Variants in SCIN observed in about 807,000 individuals in gnomAD.
The protein encoded by SCIN is scinderin, also known as adseverin.
SCIN carries 91 observed loss-of-function variants against 91.8 expected under a neutral mutation model. The ratio of observed to expected loss-of-function variants is 0.99; its 90% CI spans 0.84 to 1.18. The LOEUF (loss-of-function observed/expected upper bound fraction) is 1.18. Among genes scored for constraint, SCIN ranks in the 50% most tolerant of loss-of-function variants. SCIN has a pLI of 0.00. For missense variants in SCIN, 1,087 were observed against 863.9 expected (o/e 1.26, Z -3.24); for synonymous variants, 367 against 312.6 (o/e 1.17, Z -1.84).
chr7:12,614,122 T>G (rs1467156913), intron 4 of SCIN, among the ~76,000 whole-genome samples: 1 of 152,164 alleles, frequency 6.6e-6, no homozygotes, highest in Admixed American at 6.6e-5. Context: ...TGCTCTACAA[T>G]TGCATTGTGA....
intron 4 of SCIN, among the ~76,000 whole-genome samples, chr7:12,620,316 C>G (rs1259520031): frequency 7.2e-5 from 11 of 152,006 alleles, no homozygotes; most frequent in Non-Finnish European, 1.6e-4. Flanking sequence ...TATCTTATAC[C>G]TGAAAGTCTG....
chr7:12,586,877 T>C (rs975569602), intron 3 of SCIN, among the ~76,000 whole-genome samples: 16 of 152,026 alleles, frequency 1.1e-4, no homozygotes, highest in African/African-American at 3.9e-4. Context: ...ACTTAAAAAA[T>C]GAGCTCATAG....
rs895300210 is a variant in SCIN, at chr7:12,656,551, C to G, written c.*3836C>G. On this transcript the variant is annotated 3_prime_UTR_variant, in exon 16 of 16. Coordinates refer to ENST00000297029, the MANE Select transcript of SCIN (RefSeq NM_001112706.3). ...TTATCATTCATTCCGTGTTCTTGCT[C>G]TTGGATAAAACGGACAACTCAGAGA... 3.2e-4 allele frequency: 48 copies of G among 152,190 alleles called. No individual in the cohort carries two copies. Among genetic ancestry groups the G allele is most frequent in the African/African-American group, 1.1e-3 (47 of 41,450 alleles). The allele number at this position is 152,190 out of a possible 1,614,324, so 9.4% of individuals were successfully genotyped here.
At chr7:12,600,560 T>G (rs543990335) in intron 3 of SCIN, among the ~76,000 whole-genome samples, 1 of 152,262 alleles carries the variant, frequency 6.6e-6, no homozygotes, top group Admixed American at 6.5e-5. Flanking sequence ...ATTTATAGGG[T>G]CAATGTTTTT....
At chr7:12,611,275 A>C (rs1449722484) in intron 4 of SCIN, 2 of 152,176 alleles carry the variant, frequency 1.3e-5, no homozygotes, top group Non-Finnish European at 2.9e-5. Flanking sequence ...AGTGCTTCCA[A>C]AGTTCTTTTA....
rs1782272601 is a variant in SCIN at position 12,571,603 on chromosome 7, G to C, written c.199+618G>C. The C allele has an allele frequency of 6.4e-6, 3 of 468,560 alleles. 1 individual carries two copies. The highest frequency in any genetic ancestry group is 4.7e-5 in the South Asian group (3 of 63,992). 29.0% of individuals were successfully genotyped at this position (468,560 alleles called of 1,614,324 possible). On this transcript the variant is annotated intron_variant, in intron 1 of 15. Coordinates refer to ENST00000297029, the MANE Select transcript of SCIN (RefSeq NM_001112706.3). Reference sequence around the variant, plus strand: ...GTAGACAAAAACTCCGCTTCATTCGGAAGCTGGCGTCCTCAGATAGAAGTA... The same window carrying C: ...GTAGACAAAAACTCCGCTTCATTCGCAAGCTGGCGTCCTCAGATAGAAGTA...
intron 3 of SCIN, among the ~76,000 whole-genome samples, chr7:12,587,763 C>T (rs1583279954): frequency 6.6e-6 from 1 of 152,202 alleles, no homozygotes; most frequent in East Asian, 1.9e-4. Context: ...GTGCTGGGCT[C>T]TTCTCAAAGA....
intron 4 of SCIN, among the ~76,000 whole-genome samples, chr7:12,617,502 T>G (rs1182814723): frequency 6.6e-6 from 1 of 152,054 alleles, no homozygotes; most frequent in African/African-American, 2.4e-5. Flanking sequence ...GTTTGAAGCC[T>G]TAGGGAAAAA....
chr7:12,646,073 A>T (rs1042266519), intron 13 of SCIN, among the ~76,000 whole-genome samples: 1 of 152,234 alleles, frequency 6.6e-6, no homozygotes, highest in African/African-American at 2.4e-5. Flanking sequence ...GGCAAAAATC[A>T]CAGAAAGCTA....
intron 9 of SCIN, 106 bp from the exon 10 acceptor site, chr7:12,635,939 G>A (rs1055928554): frequency 7.5e-6 from 6 of 798,332 alleles, no homozygotes; most frequent in African/African-American, 1.7e-5. Flanking sequence ...AAAACAGTTC[G>A]CTTCTTCTTG....
chr7:12,625,663 C>A, intron 6 of SCIN, 99 bp from the exon 7 acceptor site: 1 of 916,116 alleles, frequency 1.1e-6, no homozygotes, highest in South Asian at 1.7e-5. Flanking sequence ...TATTTAACTT[C>A]AATTATAATC....
rs114638924 is a variant in SCIN, at chr7:12,573,459, G to A, written c.199+2474G>A. Among the ~76,000 whole-genome samples the A allele has an allele frequency of 8.5e-3, 1,294 of 152,156 alleles. 11 individuals carry two copies. The highest frequency in any genetic ancestry group is 0.012 in the Non-Finnish European group (820 of 67,988). On this transcript the variant is annotated intron_variant, in intron 1 of 15. Coordinates refer to ENST00000297029, the MANE Select transcript of SCIN (RefSeq NM_001112706.3). Reference sequence around the variant, plus strand: ...CGTCTTTCTTGGTCTCTCCCTCAGTGTTTCCATAACACTTGGCATATCTCA... The same window carrying A: ...CGTCTTTCTTGGTCTCTCCCTCAGTATTTCCATAACACTTGGCATATCTCA...
chr7:12,584,235 C>T (rs997909139), intron 3 of SCIN, among the ~76,000 whole-genome samples: 4 of 152,116 alleles, frequency 2.6e-5, no homozygotes, highest in East Asian at 1.9e-4. Flanking sequence ...GTAGTAATTG[C>T]GCTAGTTATC....
chr7:12,571,200 A>G (rs1305137104), intron 1 of SCIN: 1 of 584,576 alleles, frequency 1.7e-6, no homozygotes, highest in Non-Finnish European at 3.0e-6. Flanking sequence ...TCCGCAATTG[A>G]CTTACCTCGC....
At chr7:12,638,965 A>G (rs1210599218) in intron 10 of SCIN, among the ~76,000 whole-genome samples, 1 of 152,180 alleles carries the variant, frequency 6.6e-6, no homozygotes, top group Non-Finnish European at 1.5e-5. Flanking sequence ...TATTTGATGC[A>G]CTCGATTAAT....
At chr7:12,635,178 T>TAAG (rs1264854188) in intron 9 of SCIN, among the ~76,000 whole-genome samples, 1 of 151,476 alleles carries the variant, frequency 6.6e-6, no homozygotes, top group Non-Finnish European at 1.5e-5. Context: ...CAAATAATAA[T>TAAG]AATAATAATA....
In SCIN at chr7:12,654,316, G is replaced by A. The variant is rs553980653; in HGVS notation, c.*1601G>A. 28 of 152,216 alleles carry A rather than the reference G, an allele frequency of 1.8e-4. No individual in the cohort carries two copies. The highest frequency in any genetic ancestry group is 5.8e-4 in the African/African-American group (24 of 41,550). The allele number at this position is 152,216 out of a possible 1,614,324, so 9.4% of individuals were successfully genotyped here. A position where few individuals can be genotyped will look rare whatever the true frequency, so the allele number is the denominator to read the frequency against. On this transcript the variant is annotated 3_prime_UTR_variant, in exon 16 of 16. Coordinates refer to ENST00000297029, the MANE Select transcript of SCIN (RefSeq NM_001112706.3). ...TGATATTTTAGCAGATAATGTGGCC[G>A]TCCAGGCAGGCATGAGATTTCTCAG...
chr7:12,588,488 G>T (rs959968404), intron 3 of SCIN, among the ~76,000 whole-genome samples: 6 of 152,054 alleles, frequency 3.9e-5, no homozygotes, highest in Non-Finnish European at 5.9e-5. Flanking sequence ...CCAAGGTCAG[G>T]AGAGTAAGTT....
intron 4 of SCIN, among the ~76,000 whole-genome samples, chr7:12,608,627 A>G (rs10216224): frequency 0.019 from 2,823 of 151,958 alleles, 101 homozygotes; most frequent in African/African-American, 0.063. Flanking sequence ...ACAGGCACCC[A>G]CCACCACACC....
Sources: allele counts gnomAD v4.1 joint callset (sites outside exome capture counted in the v4.1 genomes callset), GRCh38; gene constraint gnomAD v4.1.1; transcripts MANE v1.5; gene names NCBI Gene and HGNC (gene_info 2026-07-23, HGNC 2026-07-21).